The following A2ML1 variants were observed in gnomAD, a reference collection of about 807,000 sequenced individuals.
The protein encoded by A2ML1 is alpha-2-macroglobulin like 1, also known as alpha-2-macroglobulin-like protein 1.
In A2ML1, 161 loss-of-function variants were observed where a neutral mutation model predicts 181.9. That is an observed-to-expected ratio of 0.89 (90% CI 0.78 to 1.01). The LOEUF (loss-of-function observed/expected upper bound fraction) is 1.01. Ranked by LOEUF, A2ML1 falls within the 50% of genes least tolerant of loss-of-function variation. The pLI is 0.00. For synonymous variants in A2ML1, 663 were observed against 666.8 expected (o/e 0.99, Z 0.09); for missense variants, 1,670 against 1,768.1 (o/e 0.94, Z 1.00).
chr12:8,829,855 C>T, intron 4 of A2ML1, 76 bp downstream of exon 4: 4 of 1,589,742 alleles, frequency 2.5e-6, no homozygotes, highest in Non-Finnish European at 3.5e-6. Context: ...GGTGGAAGTC[C>T]TCTCAGCCTG....
rs375780803 is a variant in A2ML1 at position 8,841,524 on chromosome 12, C to T, written c.1236C>T (p.Asp412=). The T allele has an allele frequency of 4.8e-5, 77 of 1,613,082 alleles. No homozygotes were observed. The highest frequency in any genetic ancestry group is 2.3e-4 in the African/African-American group (17 of 74,960). ...AGACATCCGGTTGGAATGGGACAGACGTTTCTCTGGAGGTAAGCATGGACG... is the reference window on the plus strand; with the variant it reads ...AGACATCCGGTTGGAATGGGACAGATGTTTCTCTGGAGGTAAGCATGGACG... ...TLETSGWNGT[D]VSLEGKFQME... The change falls in exon 11 of 36, where the codon GAC becomes GAT. Residue 412 remains aspartate (D), a synonymous_variant. Coordinates refer to ENST00000299698, the MANE Select transcript of A2ML1 (RefSeq NM_144670.6).
chr12:8,835,869 C>T (rs948092070), intron 6 of A2ML1, among the ~76,000 whole-genome samples: 4 of 151,912 alleles, frequency 2.6e-5, no homozygotes, highest in Admixed American at 1.3e-4. Flanking sequence ...AAAAATTAGC[C>T]GGGCGTGGTG....
At chr12:8,835,046 C>T (rs1943228196) in intron 5 of A2ML1, 1 of 306,060 alleles carries the variant, frequency 3.3e-6, no homozygotes, top group Non-Finnish European at 6.0e-6. Flanking sequence ...AACATAAACA[C>T]CTGTGAGAAG....
At chr12:8,860,361 T>G (rs1371431451) in intron 26 of A2ML1, among the ~76,000 whole-genome samples, 2 of 152,180 alleles carry the variant, frequency 1.3e-5, no homozygotes, top group Non-Finnish European at 2.9e-5. Context: ...TTTAATCTTG[T>G]TAAGTGTTTG....
intron 28 of A2ML1, among the ~76,000 whole-genome samples, chr12:8,862,846 C>T (rs1438359257): frequency 1.3e-5 from 2 of 152,224 alleles, no homozygotes; most frequent in East Asian, 1.9e-4. Flanking sequence ...AATTAGATTG[C>T]CCTTCTGTGG....
At chr12:8,849,780 G>A (rs1341724849) in intron 17 of A2ML1, 21 bp downstream of exon 17, 1 of 1,607,648 alleles carries the variant, frequency 6.2e-7, no homozygotes, top group Non-Finnish European at 8.5e-7. Context: ...TCTGTGGTCT[G>A]TGGATTCTCT....
At chr12:8,877,659 T>C (rs1387567969), downstream of A2ML1, among the ~76,000 whole-genome samples, 1 of 152,108 alleles carries the variant, frequency 6.6e-6, no homozygotes, top group East Asian at 1.9e-4. Flanking sequence ...CTAGTTAGAA[T>C]GGCTATTATT....
intron 4 of A2ML1, among the ~76,000 whole-genome samples, chr12:8,833,685 C>T (rs534250743): frequency 1.1e-4 from 17 of 152,218 alleles, no homozygotes; most frequent in Admixed American, 2.6e-4. Flanking sequence ...TGTGAGCCAC[C>T]GTGTCTGGCC....
intron 25 of A2ML1, 25 bp downstream of exon 25, chr12:8,857,613 G>A: frequency 1.3e-6 from 2 of 1,599,600 alleles, no homozygotes; most frequent in South Asian, 1.1e-5. Flanking sequence ...TTCCCAATGA[G>A]TTCTGTACTC....
rs1394864208 is a variant in A2ML1, at chr12:8,861,305, G to A, written c.3502+8G>A. The A allele has an allele frequency of 6.2e-7, 1 of 1,613,562 alleles. No homozygotes were observed. ...AACAGGCTATCATCTCAGGTATGTTGGTCCTGTTGAGAGTTCTTTGAAATT... is the reference window on the plus strand; with the variant it reads ...AACAGGCTATCATCTCAGGTATGTTAGTCCTGTTGAGAGTTCTTTGAAATT... On this transcript the variant is annotated splice_region_variant and intron_variant, in intron 28 of 35. Transcript: ENST00000299698.
intron 8 of A2ML1, among the ~76,000 whole-genome samples, chr12:8,837,853 G>A (rs916244735): frequency 6.7e-6 from 1 of 149,064 alleles, no homozygotes; most frequent in African/African-American, 2.5e-5. Flanking sequence ...GCACTCCAGC[G>A]TGGGTGACAG....
chr12:8,834,516 G>C, intron 4 of A2ML1, 146 bp from the exon 5 acceptor site: 1 of 936,144 alleles, frequency 1.1e-6, no homozygotes, highest in Non-Finnish European at 1.6e-6. Flanking sequence ...TTCTTTTCAG[G>C]GCACAAAAGA....
intron 2 of A2ML1, 25 bp downstream of exon 2, chr12:8,823,390 C>G: frequency 6.3e-7 from 1 of 1,598,340 alleles, no homozygotes. Context: ...AGCCCTCACT[C>G]GAATCCCTTA....
intron 6 of A2ML1, 147 bp from the exon 7 acceptor site, chr12:8,836,108 A>G (rs1943265889): frequency 4.7e-6 from 3 of 636,798 alleles, no homozygotes; most frequent in Non-Finnish European, 8.3e-6. Flanking sequence ...TGAACCAGCT[A>G]ATTACTTCAG....
intron 6 of A2ML1, 37 bp from the exon 7 acceptor site, chr12:8,836,218 C>T (rs1476770282): frequency 6.4e-7 from 1 of 1,570,888 alleles, no homozygotes; most frequent in East Asian, 2.2e-5. Flanking sequence ...GATTCCTCCT[C>T]CAGTGCTTTC....
Position 8,857,953 on chromosome 12 carries a change from G to A in A2ML1, c.3115G>A (p.Ala1039Thr). 2 of 1,614,076 alleles carry A rather than the reference G, an allele frequency of 1.2e-6. No homozygotes were observed. The highest frequency in any genetic ancestry group is 1.7e-6 in the Non-Finnish European group (2 of 1,179,986). The change falls in exon 26 of 36, where the codon GCG (alanine) becomes ACG (threonine). Residue 1039 changes from alanine to threonine, a missense_variant. Ala to Thr is a moderately conservative substitution (Grantham distance 58, BLOSUM62 0). Coordinates refer to ENST00000299698, the MANE Select transcript of A2ML1 (RefSeq NM_144670.6). Reference sequence around the variant, plus strand: ...TCCTCTTTACCCATGTAGGCTGACAGCGTTTGTCACAAAATGCTTTGGCCA... The same window carrying A: ...TCCTCTTTACCCATGTAGGCTGACAACGTTTGTCACAAAATGCTTTGGCCA... ...RDGNGNTWLT[A>T]FVTKCFGQAQ...
rs757711594 is a variant in A2ML1, at chr12:8,858,181, G to A, written c.3264+79G>A. The stretch of plus-strand genomic sequence containing the variant: ...CCTCTGACCGAGTAGAAGCAAAAGA[G>A]CACTGGCCTGGGAATCAGTTTTCTC... On this transcript the variant is annotated intron_variant, in intron 26 of 35. Transcript: ENST00000299698. The A allele has an allele frequency of 3.0e-5, 45 of 1,488,140 alleles. No homozygotes were observed. In the African/African-American group the frequency reaches 5.6e-4, roughly 19 times the overall value. 92.2% of individuals were successfully genotyped at this position (1,488,140 alleles called of 1,614,324 possible). A position where few individuals can be genotyped will look rare whatever the true frequency, so the allele number is the denominator to read the frequency against.
chr12:8,839,256 A>T, intron 10 of A2ML1, 34 bp downstream of exon 10: 2 of 1,514,004 alleles, frequency 1.3e-6, no homozygotes, highest in Non-Finnish European at 1.8e-6. Context: ...TAGACAAAAA[A>T]ATGCATAACC....
chr12:8,840,420 A>G (rs146509401), intron 10 of A2ML1, among the ~76,000 whole-genome samples: 1 of 151,842 alleles, frequency 6.6e-6, no homozygotes, highest in Non-Finnish European at 1.5e-5. Context: ...TCTTTCTGAT[A>G]TCTAACTGAA....
Sources: gnomAD v4.1 joint callset for allele counts (sites outside exome capture counted in the v4.1 genomes callset) on GRCh38, gnomAD v4.1.1 for gene constraint, MANE v1.5 for transcripts, NCBI Gene and HGNC (gene_info 2026-07-23, HGNC 2026-07-21) for gene names.